Variants in MBD5 observed in about 807,000 individuals in gnomAD.
MBD5 encodes the protein methyl-CpG binding domain protein 5.
A neutral mutation model predicts 117.3 loss-of-function variants in MBD5; 13 were observed. The ratio of observed to expected loss-of-function variants is 0.11; its 90% confidence interval spans 0.07 to 0.18. The LOEUF (loss-of-function observed/expected upper bound fraction) is 0.18. Ranked by LOEUF, MBD5 falls within the 10% of genes least tolerant of loss-of-function variation. The probability of loss-of-function intolerance (pLI) is 1.00; values close to 1 mark genes in which losing one functional copy is unlikely to be tolerated. For synonymous variants in MBD5, 727 were observed against 766.4 expected, an observed-to-expected ratio of 0.95 and a Z score of 0.85; for missense variants, 1,879 against 2,093.8, an observed-to-expected ratio of 0.90 and a Z score of 2.00.
intron 4 of MBD5, among the ~76,000 whole-genome samples, chr2:148,398,684 T>C (rs1340264709): frequency 6.6e-6 from 1 of 152,244 alleles, no homozygotes. Flanking sequence ...ATTTTGGCTT[T>C]TGTTGCCATT....
intron 4 of MBD5, among the ~76,000 whole-genome samples, chr2:148,404,484 T>G (rs1293889167): frequency 6.6e-6 from 1 of 152,182 alleles, no homozygotes; most frequent in African/African-American, 2.4e-5. Flanking sequence ...CCCAGTGTGT[T>G]TCTCTCTTCT....
At chr2:148,323,481 A>G (rs1702347920) in intron 3 of MBD5, among the ~76,000 whole-genome samples, 2 of 151,782 alleles carry the variant, frequency 1.3e-5, no homozygotes, top group South Asian at 2.1e-4. Context: ...AAGTGTTCCT[A>G]TTTCTCCACA....
chr2:148,307,696 G>C (rs1701926166), intron 3 of MBD5, among the ~76,000 whole-genome samples: 1 of 151,960 alleles, frequency 6.6e-6, no homozygotes. Context: ...GAACGTACAG[G>C]TTTATTATAT....
At chr2:148,323,526 A>G (rs2106584035) in intron 3 of MBD5, among the ~76,000 whole-genome samples, 1 of 152,144 alleles carries the variant, frequency 6.6e-6, no homozygotes, top group East Asian at 1.9e-4. Context: ...TGACTTTTTA[A>G]TGATCGCCAT....
intron 1 of MBD5, among the ~76,000 whole-genome samples, chr2:148,157,744 A>AT (rs1219795280): frequency 6.6e-6 from 1 of 152,144 alleles, no homozygotes; most frequent in Non-Finnish European, 1.5e-5. Flanking sequence ...AAGATTTTTT[A>AT]TTTTTTTGAT....
intron 3 of MBD5, among the ~76,000 whole-genome samples, chr2:148,325,087 G>T (rs1400380399): frequency 6.6e-6 from 1 of 152,182 alleles, no homozygotes; most frequent in African/African-American, 2.4e-5. Context: ...CATCTATTGA[G>T]ATAATCATGT....
At position 148,155,054 on chromosome 2, in the gene MBD5, T is replaced by C. The variant is rs117202597; in HGVS notation, c.-924-23646T>C. ...ACAAATATTTACCTCTCCAGAAAGGTATATTTCTAGTGAAAGAGACAAAGC... is the reference window on the plus strand; with the variant it reads ...ACAAATATTTACCTCTCCAGAAAGGCATATTTCTAGTGAAAGAGACAAAGC... On this transcript the variant is annotated intron_variant, in intron 1 of 13. Coordinates refer to ENST00000642680, the MANE Select transcript of MBD5 (RefSeq NM_001378120.1). Among the ~76,000 whole-genome samples, 771 of 152,294 alleles carry C rather than the reference T, an allele frequency of 5.1e-3. 1 individual carries two copies. Among genetic ancestry groups the C allele is most frequent in the East Asian group, 8.3e-3 (43 of 5,186 alleles).
chr2:148,308,281 T>G (rs1166009719), intron 3 of MBD5, among the ~76,000 whole-genome samples: 2 of 152,166 alleles, frequency 1.3e-5, no homozygotes, highest in African/African-American at 4.8e-5. Context: ...TTCCTATTTC[T>G]CCACATCCTC....
At chr2:148,383,245 T>C (rs886568360) in intron 4 of MBD5, among the ~76,000 whole-genome samples, 1 of 151,894 alleles carries the variant, frequency 6.6e-6, no homozygotes, top group East Asian at 1.9e-4. Context: ...AAGAATCAAA[T>C]AGATGAAATA....
intron 4 of MBD5, among the ~76,000 whole-genome samples, chr2:148,363,501 G>A (rs530588470): frequency 6.6e-6 from 1 of 152,250 alleles, no homozygotes; most frequent in Non-Finnish European, 1.5e-5. Flanking sequence ...CCAAAGTGCT[G>A]GGATTACAGG....
intron 4 of MBD5, among the ~76,000 whole-genome samples, chr2:148,353,742 A>G (rs1237639026): frequency 4.6e-5 from 7 of 151,782 alleles, no homozygotes; most frequent in Non-Finnish European, 7.4e-5. Flanking sequence ...CAGCAGGTAC[A>G]GCTAATTTTT....
intron 3 of MBD5, among the ~76,000 whole-genome samples, chr2:148,288,269 G>A (rs1701411961): frequency 2.5e-5 from 3 of 118,622 alleles, no homozygotes; most frequent in African/African-American, 5.9e-5. Flanking sequence ...GCGTAGTGGC[G>A]GGCGCCTGTA....
rs78830830 is a variant in MBD5, at chr2:148,265,353, G to C, written c.-680+31958G>C. Among the ~76,000 whole-genome samples the C allele has an allele frequency of 9.3e-3, 1,410 of 152,194 alleles. 17 individuals carry two copies. The highest frequency in any genetic ancestry group is 0.033 in the African/African-American group (1,351 of 41,524). ...AGAAATGAACTCTTTAGCCAAAGTAGGATGATAGTACATATTATAGTAAGA... is the reference window on the plus strand; with the variant it reads ...AGAAATGAACTCTTTAGCCAAAGTACGATGATAGTACATATTATAGTAAGA... On this transcript the variant is annotated intron_variant, in intron 3 of 13. Transcript: ENST00000642680.
chr2:148,385,182 C>G (rs1704309368), intron 4 of MBD5, among the ~76,000 whole-genome samples: 2 of 152,096 alleles, frequency 1.3e-5, no homozygotes, highest in Non-Finnish European at 1.5e-5. Flanking sequence ...AGGCAACCTA[C>G]AGAATGGGAG....
Position 148,469,939 on chromosome 2 carries a change from G to A in MBD5, c.1996G>A (p.Val666Met). ...GAAAAGAAAACAACCACCTACGACA[G>A]TGTTGAGTTTGCTCAGACAGTCTCA... ...LRKRKQPPTT[V>M]LSLLRQSQMD... Residue 666 changes from valine (V) to methionine (M), a missense_variant, in exon 8 of 14, where the codon GTG becomes ATG. Transcript: ENST00000642680. 6.2e-7 allele frequency: 1 copy of A among 1,613,970 alleles called. No homozygotes were observed.
intron 1 of MBD5, chr2:148,062,369 AAATG>A: frequency 6.6e-6 from 1 of 152,008 alleles, no homozygotes; most frequent in Middle Eastern, 3.6e-3. Flanking sequence ...GTAAATTAAT[AAATG>A]TATAAAGTTT....
intron 4 of MBD5, among the ~76,000 whole-genome samples, chr2:148,387,533 A>C (rs1026729415): frequency 1.3e-5 from 2 of 152,168 alleles, no homozygotes; most frequent in Admixed American, 1.3e-4. Context: ...TCCCACAGCA[A>C]GAACAGAAAA....
intron 2 of MBD5, among the ~76,000 whole-genome samples, chr2:148,205,800 C>T (rs570466946): frequency 2.0e-5 from 3 of 152,164 alleles, no homozygotes; most frequent in African/African-American, 4.8e-5. Flanking sequence ...CCAAGGCAGA[C>T]GTATCCCTTG....
intron 3 of MBD5, among the ~76,000 whole-genome samples, chr2:148,282,332 A>G (rs1259467244): frequency 6.6e-6 from 1 of 152,256 alleles, no homozygotes; most frequent in African/African-American, 2.4e-5. Context: ...ACAGCAAAAC[A>G]AGAATAAGAA....
Sources: allele counts gnomAD v4.1 joint callset (sites outside exome capture counted in the v4.1 genomes callset), GRCh38; gene constraint gnomAD v4.1.1; transcripts MANE v1.5; gene names NCBI Gene and HGNC (gene_info 2026-07-23, HGNC 2026-07-21).